LARGE1: variants seen among roughly 807,000 people sequenced by gnomAD.
The protein encoded by LARGE1 is LARGE xylosyl- and glucuronyltransferase 1.
In LARGE1, 43 loss-of-function variants were observed where a neutral mutation model predicts 87.6. The ratio of observed to expected loss-of-function variants is 0.49; its 90% CI spans 0.38 to 0.63. The LOEUF (loss-of-function observed/expected upper bound fraction) is 0.63, where lower values mean the gene tolerates loss of function less well. LARGE1 is among the 30% of genes least tolerant of loss of function. The pLI, the probability that LARGE1 is intolerant of heterozygous loss-of-function variation, is 0.00. For missense variants in LARGE1, 802 were observed against 1,000.2 expected, an observed-to-expected ratio of 0.80 and a Z score of 2.67; for synonymous variants, 434 against 394.6, an observed-to-expected ratio of 1.10 and a Z score of -1.18.
the LARGE1 span, among the ~76,000 whole-genome samples, chr22:33,117,459 G>A: frequency 0.068 from 10,346 of 151,220 alleles, 510 homozygotes; most frequent in Middle Eastern, 0.16. Context: ...TTTAACATGT[G>A]AGGGTCCTAG....
At chr22:33,166,464 C>T in exon 12 of LARGE1, 1 of 301,894 alleles carries the variant, frequency 3.3e-6, no homozygotes, top group Non-Finnish European at 6.5e-6. Context: ...CCTACCACTT[C>T]AATCTTACCA....
chr22:33,679,171 G>A (rs2081669878), intron 2 of LARGE1, among the ~76,000 whole-genome samples: 2 of 152,170 alleles, frequency 1.3e-5, no homozygotes, highest in South Asian at 4.1e-4. Context: ...ATCTAGAACA[G>A]TGCCTGACTC....
At chr22:33,772,955 A>G (rs1433486978) in intron 1 of LARGE1, among the ~76,000 whole-genome samples, 2 of 152,196 alleles carry the variant, frequency 1.3e-5, no homozygotes, top group African/African-American at 2.4e-5. Context: ...AGGTCCAGCA[A>G]CTAGCTGTCT....
rs377375950 is a variant in LARGE1, at chr22:33,760,875, G to A, written c.106+496C>T. ...GCAGGGGTTGCAGTGAGCCACAATC[G>A]CGCCACTGCACTCCAGCCTGGTAAC... On this transcript the variant is annotated intron_variant, in intron 2 of 14. Transcript: ENST00000397394. Among the ~76,000 whole-genome samples, 53 of 152,140 alleles carry A rather than the reference G, an allele frequency of 3.5e-4. 1 individual carries two copies. Among genetic ancestry groups the A allele is most frequent in the African/African-American group, 1.1e-3 (45 of 41,512 alleles).
At chr22:33,559,077 T>C (rs1343501491) in intron 6 of LARGE1, among the ~76,000 whole-genome samples, 4 of 152,240 alleles carry the variant, frequency 2.6e-5, no homozygotes, top group Non-Finnish European at 4.4e-5. Context: ...CACCGGGTAA[T>C]TTATAAGCAA....
chr22:33,767,230 G>A (rs1416661904), intron 1 of LARGE1, among the ~76,000 whole-genome samples: 1 of 151,142 alleles, frequency 6.6e-6, no homozygotes, highest in Admixed American at 6.6e-5. Context: ...GCTGAGGCAG[G>A]AGAATTGCTT....
intron 6 of LARGE1, among the ~76,000 whole-genome samples, chr22:33,509,054 A>G (rs1235904153): frequency 6.6e-6 from 1 of 152,214 alleles, no homozygotes; most frequent in Non-Finnish European, 1.5e-5. Context: ...AAGAACAGGT[A>G]TATCAGGCCT....
At chr22:33,731,335 G>A (rs1379194516) in intron 2 of LARGE1, among the ~76,000 whole-genome samples, 1 of 152,128 alleles carries the variant, frequency 6.6e-6, no homozygotes, top group Admixed American at 6.5e-5. Flanking sequence ...TGACCCGAGA[G>A]AACTTATTGA....
chr22:33,616,933 G>A (rs75448887), intron 4 of LARGE1, among the ~76,000 whole-genome samples: 1,580 of 152,312 alleles, frequency 0.01, 30 homozygotes, highest in African/African-American at 0.036. Context: ...CCACTAAATT[G>A]TACACTTTTA....
intron 6 of LARGE1, among the ~76,000 whole-genome samples, chr22:33,554,363 T>G (rs1349798860): frequency 6.6e-6 from 1 of 152,150 alleles, no homozygotes; most frequent in Non-Finnish European, 1.5e-5. Flanking sequence ...AAAAGGAAAC[T>G]GTAACAATCT....
intron 7 of LARGE1, among the ~76,000 whole-genome samples, chr22:33,414,554 A>G (rs988060170): frequency 6.6e-6 from 1 of 152,218 alleles, no homozygotes; most frequent in Non-Finnish European, 1.5e-5. Flanking sequence ...ACTCATGTTC[A>G]GATGCTAAGA....
intron 11 of LARGE1, chr22:33,166,970 C>G (rs1277828533): frequency 1.7e-5 from 7 of 401,590 alleles, no homozygotes; most frequent in Non-Finnish European, 3.1e-5. Flanking sequence ...GAAACTCCCC[C>G]TTCTCCAGTA....
rs142050858 is a variant in LARGE1 at position 33,519,537 on chromosome 22, G to T, written c.787+45311C>A. Reference sequence around the variant, plus strand: ...TGCACTGGCTCCCGAAGACACCCAGGTTCCCTCTCAGGCTCCAGACACTCC... The same window carrying T: ...TGCACTGGCTCCCGAAGACACCCAGTTTCCCTCTCAGGCTCCAGACACTCC... On this transcript the variant is annotated intron_variant, in intron 6 of 14. Coordinates refer to ENST00000397394, the MANE Select transcript of LARGE1 (RefSeq NM_133642.5). Among the ~76,000 whole-genome samples the T allele has an allele frequency of 7.1e-3, 1,078 of 152,120 alleles. 8 individuals are homozygous for T. Among genetic ancestry groups the T allele is most frequent in the African/African-American group, 0.02 (835 of 41,498 alleles).
intron 6 of LARGE1, among the ~76,000 whole-genome samples, chr22:33,521,583 G>C (rs902125623): frequency 2.6e-5 from 4 of 152,306 alleles, no homozygotes; most frequent in Admixed American, 6.5e-5. Context: ...GACCGGCCCA[G>C]ATTCAGGAAG....
intron 2 of LARGE1, among the ~76,000 whole-genome samples, chr22:33,690,692 G>A (rs1259920069): frequency 1.3e-5 from 2 of 150,910 alleles, no homozygotes; most frequent in Non-Finnish European, 2.9e-5. Context: ...AAAAGGAATG[G>A]TAAGAGAAAT....
At chr22:33,815,499 T>C (rs2086623164) in intron 1 of LARGE1, among the ~76,000 whole-genome samples, 1 of 152,200 alleles carries the variant, frequency 6.6e-6, no homozygotes, top group African/African-American at 2.4e-5. Flanking sequence ...AAGCACTGGG[T>C]TGCCTTCATC....
chr22:33,842,008 T>C (rs1489507237), intron 1 of LARGE1, among the ~76,000 whole-genome samples: 1 of 152,194 alleles, frequency 6.6e-6, no homozygotes, highest in Admixed American at 6.5e-5. Context: ...TTTAACAAAC[T>C]GCCAACAGGA....
chr22:33,352,329 T>A (rs1303505848), intron 9 of LARGE1, among the ~76,000 whole-genome samples: 2 of 152,308 alleles, frequency 1.3e-5, no homozygotes, highest in East Asian at 3.9e-4. Context: ...TGTGACATTA[T>A]GACAGACCCA....
At chr22:33,422,277 T>G (rs1159244405) in intron 7 of LARGE1, among the ~76,000 whole-genome samples, 4 of 152,212 alleles carry the variant, frequency 2.6e-5, no homozygotes, top group African/African-American at 9.6e-5. Flanking sequence ...TGTGTTAGTC[T>G]GTTCTCGTGT....
Sources: allele counts gnomAD v4.1 joint callset (sites outside exome capture counted in the v4.1 genomes callset), GRCh38; gene constraint gnomAD v4.1.1; transcripts MANE v1.5; gene names NCBI Gene and HGNC (gene_info 2026-07-23, HGNC 2026-07-21).